Variants in CSMD3 observed in about 807,000 individuals in gnomAD.
CSMD3 encodes CUB and sushi domain-containing protein 3.
In CSMD3, 177 loss-of-function variants were observed where a neutral mutation model predicts 435.2. The ratio of observed to expected loss-of-function variants is 0.41; its 90% CI spans 0.36 to 0.46. The LOEUF is 0.46. Among genes scored for constraint, CSMD3 ranks in the 20% least tolerant of loss-of-function variants. The probability of loss-of-function intolerance (pLI) is 0.34; values close to 1 mark genes in which losing one functional copy is unlikely to be tolerated. For missense variants in CSMD3, 4,265 were observed against 4,504.6 expected, an observed-to-expected ratio of 0.95 and a Z score of 1.52; for synonymous variants, 1,656 against 1,520.5, an observed-to-expected ratio of 1.09 and a Z score of -2.07.
intron 38 of CSMD3, among the ~76,000 whole-genome samples, chr8:112,361,784 T>C (rs1258784404): frequency 2.6e-5 from 4 of 151,416 alleles, no homozygotes; most frequent in East Asian, 3.9e-4. Context: ...ATCTATTTAT[T>C]GAAAATGCAG....
intron 6 of CSMD3, among the ~76,000 whole-genome samples, chr8:113,006,454 C>A (rs1342994741): frequency 6.6e-6 from 1 of 151,982 alleles, no homozygotes; most frequent in Non-Finnish European, 1.5e-5. Flanking sequence ...TACCTTTTAG[C>A]ACCAGCCTAG....
At chr8:113,099,099 G>A (rs1392725043) in intron 4 of CSMD3, 136 bp from the exon 5 acceptor site, 1 of 664,778 alleles carries the variant, frequency 1.5e-6, no homozygotes, top group Non-Finnish European at 2.7e-6. Context: ...TATACTAATA[G>A]AGATTAAATA....
At chr8:112,628,955 A>G (rs1482788729) in intron 22 of CSMD3, among the ~76,000 whole-genome samples, 2 of 152,184 alleles carry the variant, frequency 1.3e-5, no homozygotes, top group Non-Finnish European at 2.9e-5. Flanking sequence ...ATTTTAAGTA[A>G]GAGAGTAACA....
chr8:112,460,838 G>A (rs769702379), intron 32 of CSMD3, among the ~76,000 whole-genome samples: 1 of 151,974 alleles, frequency 6.6e-6, no homozygotes, highest in Non-Finnish European at 1.5e-5. Flanking sequence ...AGCAAAAGCC[G>A]CTAGGTTGAA....
chr8:113,284,735 T>C (rs1428981531), intron 2 of CSMD3, among the ~76,000 whole-genome samples: 8 of 152,210 alleles, frequency 5.3e-5, no homozygotes, highest in Non-Finnish European at 1.0e-4. Flanking sequence ...TATTTTTCCA[T>C]GTAATTATTT....
At chr8:112,476,552 A>G (rs1001118604) in intron 31 of CSMD3, among the ~76,000 whole-genome samples, 1 of 152,144 alleles carries the variant, frequency 6.6e-6, no homozygotes, top group African/African-American at 2.4e-5. Flanking sequence ...CCTTAAGAAC[A>G]TACTTTGCAA....
At chr8:112,415,019 A>G (rs1053874516) in intron 32 of CSMD3, among the ~76,000 whole-genome samples, 8 of 152,224 alleles carry the variant, frequency 5.3e-5, no homozygotes, top group African/African-American at 1.9e-4. Context: ...GATAGAAAAT[A>G]AAAACCTATT....
intron 13 of CSMD3, among the ~76,000 whole-genome samples, chr8:112,782,168 G>A (rs533430257): frequency 6.6e-6 from 1 of 152,128 alleles, no homozygotes; most frequent in East Asian, 1.9e-4. Context: ...GTTTTAGGAA[G>A]CTCAATGAAA....
intron 4 of CSMD3, among the ~76,000 whole-genome samples, chr8:113,132,436 T>C (rs1009533191): frequency 2.0e-5 from 3 of 152,040 alleles, no homozygotes; most frequent in African/African-American, 7.2e-5. Flanking sequence ...GCTGTTGTCA[T>C]AATAAGTGAG....
chr8:113,384,297 T>C (rs1331936721), intron 1 of CSMD3, among the ~76,000 whole-genome samples: 1 of 152,154 alleles, frequency 6.6e-6, no homozygotes, highest in African/African-American at 2.4e-5. Context: ...GCACTCAAAA[T>C]ATGTTTAATA....
At chr8:113,147,123 C>T (rs956760883) in intron 4 of CSMD3, among the ~76,000 whole-genome samples, 1 of 151,518 alleles carries the variant, frequency 6.6e-6, no homozygotes, top group African/African-American at 2.4e-5. Flanking sequence ...AAATCACTCC[C>T]TAATAAATAA....
chr8:113,053,528 T>A (rs1040800722), intron 5 of CSMD3, among the ~76,000 whole-genome samples: 1 of 152,018 alleles, frequency 6.6e-6, no homozygotes, highest in Non-Finnish European at 1.5e-5. Context: ...ATCACAAACT[T>A]TCCTATACCA....
intron 6 of CSMD3, among the ~76,000 whole-genome samples, chr8:113,004,035 G>A (rs889755203): frequency 1.3e-5 from 2 of 152,066 alleles, no homozygotes; most frequent in African/African-American, 2.4e-5. Context: ...AGAAAGGAAT[G>A]CTACTTTTTG....
At chr8:112,325,811 A>C (rs1340791743) in intron 45 of CSMD3, among the ~76,000 whole-genome samples, 1 of 152,078 alleles carries the variant, frequency 6.6e-6, no homozygotes, top group Non-Finnish European at 1.5e-5. Flanking sequence ...AACTTGGGCA[A>C]GTTATTTATC....
At chr8:112,497,712 A>G (rs1361562757) in intron 30 of CSMD3, among the ~76,000 whole-genome samples, 3 of 152,046 alleles carry the variant, frequency 2.0e-5, no homozygotes, top group East Asian at 3.8e-4. Context: ...GAAAATAATG[A>G]GATGTTTGTT....
intron 3 of CSMD3, among the ~76,000 whole-genome samples, chr8:113,255,546 C>G (rs2093372674): frequency 6.6e-6 from 1 of 151,954 alleles, no homozygotes; most frequent in Non-Finnish European, 1.5e-5. Context: ...TGTTGCAACT[C>G]TGAGTTGTAC....
chr8:112,913,171 T>G (rs2130554432), intron 10 of CSMD3, among the ~76,000 whole-genome samples: 1 of 152,046 alleles, frequency 6.6e-6, no homozygotes. Flanking sequence ...GTCCCCAACC[T>G]TTTAGGCACC....
intron 13 of CSMD3, among the ~76,000 whole-genome samples, chr8:112,764,218 G>C (rs2077918363): frequency 6.6e-6 from 1 of 151,404 alleles, no homozygotes; most frequent in African/African-American, 2.4e-5. Flanking sequence ...ACTGGGGAGA[G>C]ATGTAAAGGT....
rs1249461020 is a variant in CSMD3, at chr8:113,391,412, G to GTA, written c.178+45263_178+45264dup. Among the ~76,000 whole-genome samples, 8 of 152,062 alleles carry GTA rather than the reference G, an allele frequency of 5.3e-5. No homozygotes were observed. In the East Asian group the frequency reaches 1.5e-3, roughly 29 times the overall value. ...GGTGGTAACATGGGATAATTAGTTT[G>GTA]TATATGAGATTTTGAATACATTTCT... On this transcript the variant is annotated intron_variant, in intron 1 of 70. Transcript: ENST00000297405.
Sources: allele counts gnomAD v4.1 joint callset (sites outside exome capture counted in the v4.1 genomes callset), GRCh38; gene constraint gnomAD v4.1.1; transcripts MANE v1.5; gene names NCBI Gene and HGNC (gene_info 2026-07-23, HGNC 2026-07-21).